Variants in CTNNA1 observed in about 807,000 individuals in gnomAD.
The protein encoded by CTNNA1 is catenin alpha-1.
A neutral mutation model predicts 98.4 loss-of-function variants in CTNNA1; 37 were observed. That is an observed-to-expected ratio of 0.38 (90% CI 0.29 to 0.49). The LOEUF is 0.49. Among genes scored for constraint, CTNNA1 ranks in the 20% least tolerant of loss-of-function variants. CTNNA1 has a pLI of 0.95. For missense variants in CTNNA1, 761 were observed against 1,147.2 expected, an observed-to-expected ratio of 0.66 and a Z score of 4.86; for synonymous variants, 404 against 413.2, an observed-to-expected ratio of 0.98 and a Z score of 0.27.
intron 13 of CTNNA1, 41 bp from the exon 14 acceptor site, chr5:138,929,205 C>T: frequency 8.9e-7 from 1 of 1,119,222 alleles, no homozygotes; most frequent in South Asian, 1.2e-5. Context: ...GGCTGGTGGC[C>T]CAGAGATGTG....
At chr5:138,758,316 C>T (rs939646865) in intron 1 of CTNNA1, among the ~76,000 whole-genome samples, 1 of 152,114 alleles carries the variant, frequency 6.6e-6, no homozygotes, top group Non-Finnish European at 1.5e-5. Flanking sequence ...GTTCTCCTGC[C>T]TCAGCCTCCC....
chr5:138,862,000 T>G (rs2149885728), intron 7 of CTNNA1, among the ~76,000 whole-genome samples: 1 of 152,206 alleles, frequency 6.6e-6, no homozygotes, highest in East Asian at 1.9e-4. Context: ...TAAACTAGAT[T>G]ATTATCTTGG....
chr5:138,811,200 C>T (rs547384631), intron 4 of CTNNA1, among the ~76,000 whole-genome samples: 2,602 of 136,782 alleles, frequency 0.019, 7 homozygotes, highest in Middle Eastern at 0.051. Context: ...ACTTCTCAGA[C>T]GGGGCGGCCG....
intron 5 of CTNNA1, among the ~76,000 whole-genome samples, chr5:138,823,146 T>G (rs1760205780): frequency 6.6e-6 from 1 of 152,262 alleles, no homozygotes; most frequent in Non-Finnish European, 1.5e-5. Flanking sequence ...ATTCTTCTTC[T>G]GTGGTGGTGA....
At chr5:138,791,703 C>T (rs1756392606) in intron 3 of CTNNA1, among the ~76,000 whole-genome samples, 1 of 130,612 alleles carries the variant, frequency 7.7e-6, no homozygotes, top group Non-Finnish European at 1.6e-5. Flanking sequence ...CAATAGTTAA[C>T]ATCTGTGAGT....
In CTNNA1 at chr5:138,776,705, G is replaced by A. The variant is rs547599399; in HGVS notation, c.-2-5218G>A. 5.4e-5 allele frequency among the ~76,000 whole-genome samples: 8 copies of A among 147,110 alleles called. No individual in the cohort carries two copies. The South Asian group carries it at 1.5e-3, about 28-fold the overall frequency. ...CCCCCACCTCCCTCCCGGACGGGGC[G>A]GCTGGCCGGGCAGAGGGGCTCCTCA... is the stretch of plus-strand genomic sequence containing the variant. On this transcript the variant is annotated intron_variant, in intron 1 of 17. Coordinates refer to ENST00000302763, the MANE Select transcript of CTNNA1 (RefSeq NM_001903.5).
At chr5:138,841,198 T>C (rs1290536900) in intron 7 of CTNNA1, among the ~76,000 whole-genome samples, 1 of 152,218 alleles carries the variant, frequency 6.6e-6, no homozygotes, top group African/African-American at 2.4e-5. Context: ...AATGAAGTCC[T>C]TGCCAGCAAC....
intron 9 of CTNNA1, among the ~76,000 whole-genome samples, chr5:138,896,806 A>G (rs1756915117): frequency 6.6e-6 from 1 of 152,176 alleles, no homozygotes; most frequent in Non-Finnish European, 1.5e-5. Context: ...TTGCTCTTCA[A>G]TTTAAAGTGT....
chr5:138,801,254 G>A (rs532842187), intron 3 of CTNNA1, among the ~76,000 whole-genome samples: 52 of 152,170 alleles, frequency 3.4e-4, no homozygotes, highest in Non-Finnish European at 6.3e-4. Flanking sequence ...ACTGCGAATG[G>A]CACCATGTAC....
chr5:138,798,862 A>G (rs943898116), intron 3 of CTNNA1, among the ~76,000 whole-genome samples: 2 of 152,170 alleles, frequency 1.3e-5, no homozygotes, highest in Non-Finnish European at 1.5e-5. Context: ...AGGTTTTACA[A>G]CCGTGCGATC....
chr5:138,777,851 AGAGAGG>A (rs1364756181), intron 1 of CTNNA1, among the ~76,000 whole-genome samples: 1 of 133,800 alleles, frequency 7.5e-6, no homozygotes, highest in Non-Finnish European at 1.6e-5. Flanking sequence ...GACCGTGGAA[AGAGAGG>A]GAGAGGGAGA....
chr5:138,781,882 T>A (rs1181151720), intron 1 of CTNNA1, 41 bp from the exon 2 acceptor site: 1 of 1,531,082 alleles, frequency 6.5e-7, no homozygotes, highest in Non-Finnish European at 8.8e-7. Context: ...TTCATGTTTG[T>A]GTTTGATGTT....
chr5:138,831,437 A>G (rs1314793366), intron 7 of CTNNA1, among the ~76,000 whole-genome samples: 1 of 152,128 alleles, frequency 6.6e-6, no homozygotes, highest in Non-Finnish European at 1.5e-5. Flanking sequence ...TTCTGTCCCC[A>G]CTGCCATTAC....
In CTNNA1 at chr5:138,875,396, G is replaced by A. The variant is rs1561626774; in HGVS notation, c.1063-10816G>A. 4 of 985,844 alleles carry A rather than the reference G, an allele frequency of 4.1e-6. No homozygotes were observed. The South Asian group carries it at 1.4e-4, about 35-fold the overall frequency. 61.1% of individuals were successfully genotyped at this position (985,844 alleles called of 1,614,324 possible). A position where few individuals can be genotyped will look rare whatever the true frequency, so the allele number is the denominator to read the frequency against. On this transcript the variant is annotated intron_variant, in intron 7 of 17. Coordinates refer to ENST00000302763, the MANE Select transcript of CTNNA1 (RefSeq NM_001903.5). ...ATATAGGCTGACGTCACCGGATGAC[G>A]TGTCTTTTGTTTGGGTTTTCCAGAA...
intron 10 of CTNNA1, among the ~76,000 whole-genome samples, chr5:138,908,036 GGT>G (rs1491108099): frequency 2.4e-4 from 37 of 151,846 alleles, no homozygotes; most frequent in South Asian, 1.7e-3. Context: ...GGAGTGCAGT[GGT>G]GCAATCTCGG....
At chr5:138,856,975 A>C (rs191855407) in intron 7 of CTNNA1, among the ~76,000 whole-genome samples, 1 of 152,208 alleles carries the variant, frequency 6.6e-6, no homozygotes, top group African/African-American at 2.4e-5. Flanking sequence ...TCTTTAGTAC[A>C]TTCTGGTGAA....
At chr5:138,810,901 C>T (rs981533806) in intron 4 of CTNNA1, among the ~76,000 whole-genome samples, 28 of 148,896 alleles carry the variant, frequency 1.9e-4, no homozygotes, top group African/African-American at 4.4e-4. Flanking sequence ...CCGCACGGGG[C>T]GGCTGGCCGG....
intron 7 of CTNNA1, chr5:138,872,444 C>G (rs557079118): frequency 1.3e-5 from 2 of 152,510 alleles, no homozygotes; most frequent in South Asian, 2.1e-4. Context: ...TCTACTAACC[C>G]AGGCAGAAAC....
Position 138,934,172 on chromosome 5 carries a change from C to CAACA in CTNNA1, c.*84_*87dup, listed in dbSNP as rs1326848240. 4 of 1,016,642 alleles carry CAACA rather than the reference C, an allele frequency of 3.9e-6. No individual in the cohort carries two copies. The highest frequency in any genetic ancestry group is 3.2e-5 in the African/African-American group (2 of 62,888). The allele number at this position is 1,016,642 out of a possible 1,614,324, so 63.0% of individuals were successfully genotyped here. A position where few individuals can be genotyped will look rare whatever the true frequency, so the allele number is the denominator to read the frequency against. Reference sequence around the variant, plus strand: ...GTCACTCAAATGAATTTGCTAAATACAACACTGATACTAGATTCCACAGGG... The same window carrying CAACA: ...GTCACTCAAATGAATTTGCTAAATACAACAAACACTGATACTAGATTCCACAGGG... On this transcript the variant is annotated 3_prime_UTR_variant, in exon 18 of 18. Transcript: ENST00000302763.
Sources: allele counts gnomAD v4.1 joint callset (sites outside exome capture counted in the v4.1 genomes callset), GRCh38; gene constraint gnomAD v4.1.1; transcripts MANE v1.5; gene names NCBI Gene and HGNC (gene_info 2026-07-23, HGNC 2026-07-21).